The following PCDHGA2 variants were observed in gnomAD, a reference collection of about 807,000 sequenced individuals.
The protein encoded by PCDHGA2 is protocadherin gamma-A2.
A neutral mutation model predicts 59.2 loss-of-function variants in PCDHGA2; 40 were observed. The observed-to-expected ratio is 0.68, with a 90% confidence interval of 0.52 to 0.88. PCDHGA2 has a LOEUF of 0.88. Ranked by LOEUF, PCDHGA2 falls within the 40% of genes least tolerant of loss-of-function variation. PCDHGA2 has a pLI of 0.00. For missense variants in PCDHGA2, 1,226 were observed against 1,204.0 expected (o/e 1.02, Z -0.27); for synonymous variants, 560 against 526.0 (o/e 1.06, Z -0.89).
In PCDHGA2 at chr5:141,351,653, G is replaced by A. The variant is rs1425916218; in HGVS notation, c.2424+10258G>A. 3 of 1,613,996 alleles carry A rather than the reference G, an allele frequency of 1.9e-6. No homozygotes were observed. In the South Asian group the frequency reaches 3.3e-5, roughly 18 times the overall value. ...CGTGTCTGAGAACAACCCACCTGGC[G>A]CCTCCATTGCACAAGTAAGCGCCTC... On this transcript the variant is annotated intron_variant, in intron 1 of 3. Coordinates refer to ENST00000394576, the MANE Select transcript of PCDHGA2 (RefSeq NM_018915.4).
chr5:141,460,686 C>A (rs2098995566), intron 1 of PCDHGA2, among the ~76,000 whole-genome samples: 1 of 151,698 alleles, frequency 6.6e-6, no homozygotes, highest in Admixed American at 6.6e-5. Context: ...TCTATATATC[C>A]ACCAACAGTT....
Position 141,490,710 on chromosome 5 carries a change from C to G in PCDHGA2, c.2425-4097C>G, listed in dbSNP as rs1158575765. On this transcript the variant is annotated intron_variant, in intron 1 of 3. Coordinates refer to ENST00000394576, the MANE Select transcript of PCDHGA2 (RefSeq NM_018915.4). The surrounding 1 kb of genome is among the most constrained non-coding windows in gnomAD (Gnocchi z 5.4). ...ACACTGGGGATAATGCCCGCCTCAC[C>G]TACTCCATTGTAGGAAATCAGGTTC... 6.2e-7 allele frequency: 1 copy of G among 1,614,208 alleles called. No homozygotes were observed. The highest frequency in any genetic ancestry group is 8.5e-7 in the Non-Finnish European group (1 of 1,180,030).
intron 1 of PCDHGA2, chr5:141,343,093 C>A: frequency 6.0e-6 from 1 of 167,174 alleles, no homozygotes; most frequent in Non-Finnish European, 1.2e-5. Flanking sequence ...GTAATTATCT[C>A]AGTACACTGC....
intron 1 of PCDHGA2, chr5:141,372,783 C>G (rs1324941616): frequency 1.9e-6 from 3 of 1,606,014 alleles, no homozygotes; most frequent in South Asian, 2.2e-5. Context: ...TCCAGAAATG[C>G]CTTCTAATTC....
In PCDHGA2 at chr5:141,511,033, C is replaced by T. The variant is rs1185153127; in HGVS notation, c.2659C>T (p.His887Tyr). 6.2e-7 allele frequency: 1 copy of T among 1,614,202 alleles called. No individual in the cohort carries two copies. The highest frequency in any genetic ancestry group is 1.7e-5 in the Admixed American group (1 of 60,032). ...CTACGGACCCCAGTTCACCCTGCAG[C>T]ACGTGCCCGACTACCGCCAGAATGT... ...ARYGPQFTLQ[H>Y]VPDYRQNVYI... Residue 887 changes from histidine to tyrosine, a missense_variant, in exon 4 of 4, where the codon CAC becomes TAC. His to Tyr is a moderately conservative substitution (Grantham distance 83). Coordinates refer to ENST00000394576, the MANE Select transcript of PCDHGA2 (RefSeq NM_018915.4).
intron 1 of PCDHGA2, chr5:141,344,347 AAATT>A: frequency 6.2e-7 from 1 of 1,613,958 alleles, no homozygotes; most frequent in Admixed American, 1.7e-5. Context: ...TGTCTGGTAA[AAATT>A]AACATTCTGG....
chr5:141,474,557 G>A (rs1261720500), intron 1 of PCDHGA2, among the ~76,000 whole-genome samples: 1 of 152,184 alleles, frequency 6.6e-6, no homozygotes, highest in African/African-American at 2.4e-5. Context: ...AAAACTGGGG[G>A]TTTTCAGAGA....
At chr5:141,346,049 G>C in intron 1 of PCDHGA2, 1 of 1,613,576 alleles carries the variant, frequency 6.2e-7, no homozygotes, top group Middle Eastern at 1.7e-4. Context: ...CCGACATCCT[G>C]GCCGACCTGG....
chr5:141,362,610 G>T, intron 1 of PCDHGA2: 1 of 1,557,774 alleles, frequency 6.4e-7, no homozygotes, highest in Non-Finnish European at 8.7e-7. Flanking sequence ...CACCTAATTT[G>T]GGTAGGAAGT....
chr5:141,505,625 C>T, intron 3 of PCDHGA2, 144 bp downstream of exon 3: 1 of 1,489,114 alleles, frequency 6.7e-7, no homozygotes, highest in Non-Finnish European at 9.0e-7. Context: ...CCCACAATTC[C>T]AAACATAAAG....
At chr5:141,355,539 A>G (rs1759893853) in intron 1 of PCDHGA2, 2 of 1,613,954 alleles carry the variant, frequency 1.2e-6, no homozygotes, top group Non-Finnish European at 1.7e-6. Flanking sequence ...TAGAAGATAC[A>G]GTGAAGATTT....
In PCDHGA2 at chr5:141,375,798, C is replaced by T. The variant is rs368947176; in HGVS notation, c.2424+34403C>T. On this transcript the variant is annotated intron_variant, in intron 1 of 3. Coordinates refer to ENST00000394576, the MANE Select transcript of PCDHGA2 (RefSeq NM_018915.4). ...TACCCCGCCCTCCCCACAGACGGTT[C>T]CACTGGCGTGGAGCTGGCGCCCCGC... 11 of 1,614,124 alleles carry T rather than the reference C, an allele frequency of 6.8e-6. No individual in the cohort carries two copies. The African/African-American group carries it at 1.1e-4, about 16-fold the overall frequency.
rs1187424114 is a variant in PCDHGA2, at chr5:141,485,341, G to A, written c.2425-9466G>A. On this transcript the variant is annotated intron_variant, in intron 1 of 3. Transcript: ENST00000394576. The surrounding 1 kb of genome is among the most constrained non-coding windows in gnomAD (Gnocchi z 5.7). ...TCGCTCAAGATTTCCTGCTGGATAC[G>A]GACAGTCTGTCAGCTCGCAGGCTGC... 2 of 1,614,118 alleles carry A rather than the reference G, an allele frequency of 1.2e-6. No individual in the cohort carries two copies. The highest frequency in any genetic ancestry group is 1.7e-5 in the Admixed American group (1 of 60,018).
intron 1 of PCDHGA2, among the ~76,000 whole-genome samples, chr5:141,471,869 G>A (rs1234106506): frequency 6.6e-6 from 1 of 152,172 alleles, no homozygotes; most frequent in Non-Finnish European, 1.5e-5. Flanking sequence ...AACTGTGGTT[G>A]CCTGAGGCTG....
At chr5:141,415,014 C>G (rs747951360) in intron 1 of PCDHGA2, 1 of 1,613,502 alleles carries the variant, frequency 6.2e-7, no homozygotes, top group African/African-American at 1.3e-5. Flanking sequence ...ACCGTCTGCT[C>G]AAGGCCAGCG....
At position 141,487,710 on chromosome 5, in the gene PCDHGA2, G is replaced by A. The variant is rs199722860; in HGVS notation, c.2425-7097G>A. ...CTAGAGAGTACTGGCCTCTCAGTAA[G>A]TGCCCATAGTGATGTCACCATTTTT... On this transcript the variant is annotated intron_variant, in intron 1 of 3. Transcript: ENST00000394576. The surrounding 1 kb of genome is among the most constrained non-coding windows in gnomAD (Gnocchi z 5.0). 3.8e-4 allele frequency: 596 copies of A among 1,586,168 alleles called. No individual in the cohort carries two copies. The highest frequency in any genetic ancestry group is 4.5e-4 in the Non-Finnish European group (529 of 1,164,386).
chr5:141,418,597 G>T, intron 1 of PCDHGA2: 7 of 1,614,052 alleles, frequency 4.3e-6, no homozygotes, highest in South Asian at 1.1e-5. Flanking sequence ...GCCAGGACGT[G>T]TACAGGGTTA....
chr5:141,437,478 T>G (rs942305423), intron 1 of PCDHGA2, among the ~76,000 whole-genome samples: 2 of 152,210 alleles, frequency 1.3e-5, no homozygotes, highest in African/African-American at 2.4e-5. Flanking sequence ...TATAGCATAT[T>G]TAATCTCGTA....
intron 1 of PCDHGA2, chr5:141,379,577 A>G (rs949228726): frequency 6.6e-6 from 1 of 152,178 alleles, no homozygotes; most frequent in African/African-American, 2.4e-5. Flanking sequence ...AGGCTGGTTT[A>G]TTTTATTCTC....
Sources: gnomAD v4.1 joint callset for allele counts (sites outside exome capture counted in the v4.1 genomes callset) on GRCh38, gnomAD v4.1.1 for gene constraint, Gnocchi (gnomAD v3.1) non-coding constraint, MANE v1.5 for transcripts, NCBI Gene and HGNC (gene_info 2026-07-23, HGNC 2026-07-21) for gene names.